Variants in ADGRG4 observed in about 807,000 individuals in gnomAD.
ADGRG4 encodes the protein G protein-coupled receptor 112.
A neutral mutation model predicts 126.2 loss-of-function variants in ADGRG4; 122 were observed. The observed-to-expected ratio is 0.97, with a 90% CI of 0.83 to 1.12. ADGRG4 has a LOEUF of 1.12. Ranked by LOEUF, ADGRG4 falls within the 50% of genes most tolerant of loss-of-function variation. ADGRG4 has a pLI of 0.00. For synonymous variants in ADGRG4, 943 were observed against 838.7 expected, an observed-to-expected ratio of 1.12 and a Z score of -2.15; for missense variants, 2,481 against 2,251.8, an observed-to-expected ratio of 1.10 and a Z score of -2.06.
At chrX:136,322,006 G>A (rs1001528080) in intron 4 of ADGRG4, among the ~76,000 whole-genome samples, 1 of 111,912 alleles carries the variant, frequency 8.9e-6, no homozygotes, top group Non-Finnish European at 1.9e-5. Context: ...AGGAGGGTAA[G>A]TTACTTGCTC....
Position 136,350,452 on chromosome X carries a change from T to C in ADGRG4, c.6727+19T>C. On this transcript the variant is annotated intron_variant, in intron 6 of 25. Coordinates refer to ENST00000394143, the MANE Select transcript of ADGRG4 (RefSeq NM_153834.4). The stretch of plus-strand genomic sequence containing the variant: ...TCCACAGGTACTGCTCCATAATGCA[T>C]GTGGTGTAGCCCCAACAGAATTCAT... 2 of 1,186,327 alleles carry C rather than the reference T, an allele frequency of 1.7e-6. No homozygotes were observed. The highest frequency in any genetic ancestry group is 2.3e-6 in the Non-Finnish European group (2 of 881,529).
rs187491086 is a variant in ADGRG4 at position 136,339,089 on chromosome X, T to C, written c.686-5303T>C. Among the ~76,000 whole-genome samples the C allele has an allele frequency of 2.7e-5, 3 of 110,993 alleles. No individual in the cohort carries two copies. In the Admixed American group the frequency reaches 2.9e-4, roughly 11 times the overall value. The stretch of plus-strand genomic sequence containing the variant: ...GGATGTGGGGGCATCACCCTACCAA[T>C]GCCTCTTGACTTCCGCTAGTCTCTG... On this transcript the variant is annotated intron_variant, in intron 5 of 25. Transcript: ENST00000394143.
intron 16 of ADGRG4, among the ~76,000 whole-genome samples, chrX:136,390,241 G>A (rs953548800): frequency 9.0e-6 from 1 of 110,858 alleles, no homozygotes; most frequent in Non-Finnish European, 1.9e-5. Context: ...TTGTAGAGAT[G>A]GGGTCTCACT....
At chrX:136,324,476 T>C (rs1178304678) in intron 5 of ADGRG4, among the ~76,000 whole-genome samples, 2 of 111,182 alleles carry the variant, frequency 1.8e-5, no homozygotes, top group Non-Finnish European at 3.8e-5. Context: ...GGCATGATCA[T>C]AGCTCACTGT....
chrX:136,359,597 C>A, intron 11 of ADGRG4, 142 bp downstream of exon 11: 1 of 466,616 alleles, frequency 2.1e-6, no homozygotes, highest in Non-Finnish European at 3.5e-6. Flanking sequence ...TCTTGGTACC[C>A]ACTTGATCTG....
chrX:136,402,926 T>C (rs1196170717), intron 21 of ADGRG4, among the ~76,000 whole-genome samples: 1 of 111,956 alleles, frequency 8.9e-6, no homozygotes, highest in Non-Finnish European at 1.9e-5. Context: ...TAAGAAGAAA[T>C]GCTTGATGCG....
At chrX:136,361,728 C>T in intron 12 of ADGRG4, 141 bp downstream of exon 12, 1 of 351,820 alleles carries the variant, frequency 2.8e-6, no homozygotes, top group Non-Finnish European at 4.7e-6. Context: ...ACCTTTCGTA[C>T]CTGTTTAAAC....
In ADGRG4 at chrX:136,347,135, T is replaced by G. The variant is rs780619284; in HGVS notation, c.3429T>G (p.Leu1143=). 8.3e-7 allele frequency: 1 copy of G among 1,210,933 alleles called. No homozygotes were observed. The highest frequency in any genetic ancestry group is 1.1e-6 in the Non-Finnish European group (1 of 895,004). The change falls in exon 6 of 26, where the codon CTT becomes CTG. Residue 1143 remains leucine (L), a synonymous_variant. Coordinates refer to ENST00000394143, the MANE Select transcript of ADGRG4 (RefSeq NM_153834.4). ...CAGTAACCCCATCTACACACACTCT[T>G]GTCTGCTCAAAACCTCCCCCTGACA... ...VDTVTPSTHT[L]VCSKPPPDNI... is the part of the protein sequence containing the mutation.
rs1190698825 is a variant in ADGRG4 at position 136,350,061 on chromosome X, A to G, written c.6355A>G (p.Thr2119Ala). ...SRTTITANPR[T>A]VSHPSSFSRK... ...AACCACAATAACTGCCAACCCCAGG[A>G]CTGTGTCTCATCCTTCATCCTTCAG... The change falls in exon 6 of 26, where the codon ACT becomes GCT. Residue 2119 changes from threonine (T) to alanine (A), a missense_variant. Physicochemically the swap from Thr to Ala is moderately conservative, Grantham distance 58. Coordinates refer to ENST00000394143, the MANE Select transcript of ADGRG4 (RefSeq NM_153834.4). 8.3e-7 allele frequency: 1 copy of G among 1,209,082 alleles called. No individual in the cohort carries two copies. Among genetic ancestry groups the G allele is most frequent in the African/African-American group, 1.8e-5 (1 of 56,989 alleles).
chrX:136,352,210 C>A (rs184329170), intron 7 of ADGRG4, among the ~76,000 whole-genome samples: 11 of 112,056 alleles, frequency 9.8e-5, no homozygotes, highest in African/African-American at 1.9e-4. Flanking sequence ...CTTGCTCCCC[C>A]TCCTCTGCAC....
At chrX:136,413,817 C>T (rs1343854246) in intron 24 of ADGRG4, among the ~76,000 whole-genome samples, 9 of 109,200 alleles carry the variant, frequency 8.2e-5, no homozygotes, top group African/African-American at 1.0e-4. Flanking sequence ...CTCGGCTCAC[C>T]GCAACTTCCG....
At position 136,388,282 on chromosome X, in the gene ADGRG4, G is replaced by A. The variant is rs1421747555; in HGVS notation, c.7911+408G>A. Among the ~76,000 whole-genome samples, 4 of 112,090 alleles carry A rather than the reference G, an allele frequency of 3.6e-5. No individual in the cohort carries two copies. The East Asian group carries it at 1.1e-3, about 31-fold the overall frequency. Reference sequence around the variant, plus strand: ...CTTTGAAGTTGGGTGGTATCCAGAAGGACATTTGCCTGCAGGCATTTGTTG... The same window carrying A: ...CTTTGAAGTTGGGTGGTATCCAGAAAGACATTTGCCTGCAGGCATTTGTTG... On this transcript the variant is annotated intron_variant, in intron 16 of 25. Transcript: ENST00000394143.
chrX:136,342,823 T>C (rs2074986584), intron 5 of ADGRG4, among the ~76,000 whole-genome samples: 1 of 109,586 alleles, frequency 9.1e-6, no homozygotes, highest in African/African-American at 3.3e-5. Context: ...TATGCTTTAT[T>C]AAGAAAAAAT....
In ADGRG4 at chrX:136,349,202, T is replaced by C; in HGVS notation, c.5496T>C (p.Ser1832=). Residue 1832 remains serine (S), a synonymous_variant, in exon 6 of 26, where the codon TCT becomes TCC. Transcript: ENST00000394143. ...PWTPSSATLP[S]LTSFVYSPHS... is the part of the protein sequence containing the mutation. ...CCCCATCCAGTGCAACTCTACCCTCTTTGACATCATTTGTTTATTCACCTC... is the reference window on the plus strand; with the variant it reads ...CCCCATCCAGTGCAACTCTACCCTCCTTGACATCATTTGTTTATTCACCTC... 8.3e-7 allele frequency: 1 copy of C among 1,205,861 alleles called. No individual in the cohort carries two copies. The highest frequency in any genetic ancestry group is 1.1e-6 in the Non-Finnish European group (1 of 891,143).
Position 136,347,029 on chromosome X carries a change from A to C in ADGRG4, c.3323A>C (p.Glu1108Ala). The C allele has an allele frequency of 8.3e-7, 1 of 1,211,082 alleles. No homozygotes were observed. Among genetic ancestry groups the C allele is most frequent in the Middle Eastern group, 2.3e-4 (1 of 4,346 alleles). ...KTSMAVPSLT[E>A]TPFHSLRLST... The stretch of plus-strand genomic sequence containing the variant: ...TCCATGGCAGTTCCTTCTCTGACAG[A>C]AACACCATTTCATTCACTGAGACTC... The change falls in exon 6 of 26, where the codon GAA becomes GCA. Residue 1108 changes from glutamate (E) to alanine (A), a missense_variant. Physicochemically the swap from Glu to Ala is moderately radical, Grantham distance 107. Transcript: ENST00000394143.
At chrX:136,342,917 T>TGAGAGA (rs1361151546) in intron 5 of ADGRG4, among the ~76,000 whole-genome samples, 23 of 64,846 alleles carry the variant, frequency 3.5e-4, no homozygotes, top group Middle Eastern at 0.011. Context: ...TGTGTGTGTG[T>TGAGAGA]GTGTGAGAGA....
intron 15 of ADGRG4, among the ~76,000 whole-genome samples, chrX:136,386,385 T>C (rs1387343910): frequency 8.9e-6 from 1 of 112,254 alleles, no homozygotes; most frequent in African/African-American, 3.2e-5. Flanking sequence ...AGCTAAATCA[T>C]GACCTCTCCA....
intron 22 of ADGRG4, among the ~76,000 whole-genome samples, chrX:136,403,891 C>A (rs2075391929): frequency 8.9e-6 from 1 of 111,807 alleles, no homozygotes; most frequent in Non-Finnish European, 1.9e-5. Flanking sequence ...GTTCTCTCAA[C>A]CACAATCACG....
At chrX:136,325,004 G>C (rs957545153) in intron 5 of ADGRG4, among the ~76,000 whole-genome samples, 1 of 112,024 alleles carries the variant, frequency 8.9e-6, no homozygotes, top group African/African-American at 3.2e-5. Context: ...GGGAAGGAAA[G>C]ATGAGATTGC....
Sources: allele counts gnomAD v4.1 joint callset (sites outside exome capture counted in the v4.1 genomes callset), GRCh38; gene constraint gnomAD v4.1.1; transcripts MANE v1.5; gene names NCBI Gene and HGNC (gene_info 2026-07-23, HGNC 2026-07-21).